The following KCNMA1 variants were observed in gnomAD, a reference collection of about 807,000 sequenced individuals.
KCNMA1 encodes Calcium-activated potassium channel subunit alpha-1.
A neutral mutation model predicts 140.0 loss-of-function variants in KCNMA1; 29 were observed. The observed-to-expected ratio is 0.21, with a 90% CI of 0.15 to 0.28. The LOEUF is 0.28. KCNMA1 is among the 10% of genes least tolerant of loss of function. The pLI is 1.00. For missense variants in KCNMA1, 880 were observed against 1,602.2 expected, an observed-to-expected ratio of 0.55 and a Z score of 7.70; for synonymous variants, 612 against 611.9, an observed-to-expected ratio of 1.00 and a Z score of 0.00.
rs1343585749 is a variant in KCNMA1 at position 77,062,400 on chromosome 10, G to A, written c.1749+10697C>T. Among the ~76,000 whole-genome samples, 9 of 152,220 alleles carry A rather than the reference G, an allele frequency of 5.9e-5. 1 individual carries two copies. In the South Asian group the frequency reaches 1.5e-3, roughly 25 times the overall value. On this transcript the variant is annotated intron_variant, in intron 14 of 27. Coordinates refer to ENST00000286628, the MANE Select transcript of KCNMA1 (RefSeq NM_001161352.2). ...TCATCTTATTAGCACTACCTAACCC[G>A]TCCGGATCTCACTCCCCTTTACAGA... is the stretch of plus-strand genomic sequence containing the variant.
chr10:77,118,998 T>C (rs2097540071), intron 6 of KCNMA1, among the ~76,000 whole-genome samples: 1 of 152,206 alleles, frequency 6.6e-6, no homozygotes, highest in Admixed American at 6.5e-5. Flanking sequence ...TAGTGGGAAG[T>C]GGGGTGCTGG....
intron 1 of KCNMA1, among the ~76,000 whole-genome samples, chr10:77,468,467 CA>C (rs899020512): frequency 1.3e-5 from 2 of 152,122 alleles, no homozygotes; most frequent in African/African-American, 4.8e-5. Flanking sequence ...AAAATGAGGT[CA>C]TTAGGGTGGG....
At chr10:77,265,647 G>C (rs537077075) in intron 2 of KCNMA1, among the ~76,000 whole-genome samples, 196 of 152,252 alleles carry the variant, frequency 1.3e-3, no homozygotes, top group Non-Finnish European at 2.1e-3. Context: ...TCAGAGTCTA[G>C]TTCATTGGGC....
intron 1 of KCNMA1, among the ~76,000 whole-genome samples, chr10:77,443,355 C>G (rs1010500177): frequency 6.6e-6 from 1 of 152,208 alleles, no homozygotes; most frequent in Non-Finnish European, 1.5e-5. Context: ...ACTATCCCCC[C>G]ATCATGGGCA....
At chr10:77,027,914 C>A (rs201666688) in intron 15 of KCNMA1, 23 bp from the exon 16 acceptor site, 2 of 1,604,602 alleles carry the variant, frequency 1.2e-6, no homozygotes, top group Non-Finnish European at 1.7e-6. Flanking sequence ...GGAGAAGCCT[C>A]CCAATCAGTT....
chr10:77,233,746 A>G (rs1423924240), intron 3 of KCNMA1, among the ~76,000 whole-genome samples: 1 of 152,178 alleles, frequency 6.6e-6, no homozygotes, highest in Non-Finnish European at 1.5e-5. Context: ...CTTTCTCGTT[A>G]TCTCTTTTAC....
At chr10:76,929,766 C>T (rs1033703919) in intron 23 of KCNMA1, among the ~76,000 whole-genome samples, 2 of 152,080 alleles carry the variant, frequency 1.3e-5, no homozygotes, top group African/African-American at 4.8e-5. Flanking sequence ...GTTAAAAGTT[C>T]CCCAGGTGAG....
chr10:77,051,049 A>C (rs2095344420), intron 14 of KCNMA1, among the ~76,000 whole-genome samples: 1 of 152,040 alleles, frequency 6.6e-6, no homozygotes. Flanking sequence ...GTGTAGATAC[A>C]GAAGCAATAT....
intron 1 of KCNMA1, among the ~76,000 whole-genome samples, chr10:77,550,265 C>T (rs1460761868): frequency 6.6e-6 from 1 of 152,166 alleles, no homozygotes; most frequent in African/African-American, 2.4e-5. Context: ...ATCATCTTCC[C>T]CTAGGAACTC....
chr10:76,896,341 A>G (rs2152011729), intron 25 of KCNMA1, among the ~76,000 whole-genome samples: 1 of 152,322 alleles, frequency 6.6e-6, no homozygotes. Context: ...GCCCACAGGC[A>G]GCCAGACTTT....
At chr10:77,441,822 CA>C (rs2097406325) in intron 1 of KCNMA1, among the ~76,000 whole-genome samples, 1 of 151,952 alleles carries the variant, frequency 6.6e-6, no homozygotes, top group South Asian at 2.1e-4. Flanking sequence ...AAGCATTGGA[CA>C]ATAGCCTGAG....
At chr10:77,011,905 G>A in intron 18 of KCNMA1, 62 bp downstream of exon 18, 1 of 1,425,032 alleles carries the variant, frequency 7.0e-7, no homozygotes, top group Non-Finnish European at 9.9e-7. Context: ...AAAAGGGAAG[G>A]AAAAGGAATT....
At chr10:76,878,131 G>C (rs1003777332) in intron 29 of KCNMA1, among the ~76,000 whole-genome samples, 26 of 152,290 alleles carry the variant, frequency 1.7e-4, no homozygotes, top group Admixed American at 1.7e-3. Flanking sequence ...AGGCACCATG[G>C]GCGGACCTCA....
chr10:77,202,532 T>C (rs2154157223), intron 3 of KCNMA1, among the ~76,000 whole-genome samples: 1 of 152,304 alleles, frequency 6.6e-6, no homozygotes, highest in Non-Finnish European at 1.5e-5. Flanking sequence ...TTTCAGTCCC[T>C]GTTTTGTCCT....
chr10:77,557,645 ATTTT>A (rs148296325), intron 1 of KCNMA1, among the ~76,000 whole-genome samples: 10,897 of 131,942 alleles, frequency 0.083, 768 homozygotes, highest in African/African-American at 0.22. Context: ...CCAGGAAGTG[ATTTT>A]TTTTTTTTTT....
In KCNMA1 at chr10:77,403,942, C is replaced by A. The variant is rs142858967; in HGVS notation, c.460G>T (p.Ala154Ser). The A allele has an allele frequency of 4.6e-5, 74 of 1,614,012 alleles. No homozygotes were observed. Among genetic ancestry groups the A allele is most frequent in the Non-Finnish European group, 6.0e-5 (71 of 1,180,024 alleles). Residue 154 changes from alanine to serine, a missense_variant, in exon 2 of 28, where the codon GCC becomes TCC. Ala to Ser is a moderately conservative substitution (Grantham distance 99). This residue lies in a region of KCNMA1 where 54 missense variants were observed against 56.4 expected (regional missense o/e 0.96). Transcript: ENST00000286628. ...PVDEKEEAVA[A>S]EVGWMTSVKD... is the part of the protein sequence containing the mutation. ...ACGGAGGTCATCCAGCCGACCTCGG[C>A]GGCCACTGCCTCCTCTTTTTCATCC...
chr10:76,936,603 G>C (rs193264091), intron 23 of KCNMA1, among the ~76,000 whole-genome samples: 2 of 152,262 alleles, frequency 1.3e-5, no homozygotes, highest in African/African-American at 2.4e-5. Context: ...TGTTATATGG[G>C]AGCAGCTGAA....
chr10:77,624,949 A>G (rs2092255662), intron 1 of KCNMA1, among the ~76,000 whole-genome samples: 1 of 152,166 alleles, frequency 6.6e-6, no homozygotes, highest in Non-Finnish European at 1.5e-5. Context: ...CCACCGAGAA[A>G]ACAAGAACGC....
intron 3 of KCNMA1, among the ~76,000 whole-genome samples, chr10:77,201,632 T>C (rs762247431): frequency 6.6e-6 from 1 of 152,214 alleles, no homozygotes. Context: ...AGCCTGAAAT[T>C]AGTATTATTT....
Sources: allele counts gnomAD v4.1 joint callset (sites outside exome capture counted in the v4.1 genomes callset), GRCh38; gene constraint gnomAD v4.1.1; regional missense constraint gnomAD v4.1.1; transcripts MANE v1.5; gene names NCBI Gene and HGNC (gene_info 2026-07-23, HGNC 2026-07-21).